The following COL23A1 variants were observed in gnomAD, a reference collection of about 807,000 sequenced individuals.
COL23A1 encodes collagen alpha-1(XXIII) chain.
Under a neutral mutation model 99.3 loss-of-function variants are expected in COL23A1, and 97 were observed. The observed-to-expected ratio is 0.98, with a 90% CI of 0.83 to 1.16. The LOEUF is 1.16. Among genes scored for constraint, COL23A1 ranks in the 50% most tolerant of loss-of-function variants. COL23A1 has a pLI of 0.00. For synonymous variants in COL23A1, 320 were observed against 308.2 expected (o/e 1.04, Z -0.40); for missense variants, 762 against 757.4 (o/e 1.01, Z -0.07).
At chr5:178,430,661 G>A (rs956292252) in intron 2 of COL23A1, among the ~76,000 whole-genome samples, 1 of 152,188 alleles carries the variant, frequency 6.6e-6, no homozygotes, top group African/African-American at 2.4e-5. Context: ...AACTAACAAA[G>A]TTGGATGGTT....
intron 1 of COL23A1, among the ~76,000 whole-genome samples, chr5:178,581,687 T>A (rs1404135879): frequency 6.6e-6 from 1 of 152,138 alleles, no homozygotes; most frequent in South Asian, 2.1e-4. Context: ...CCACTGACTG[T>A]ACCATTATCT....
chr5:178,376,264 G>A lies in COL23A1; in HGVS notation c.362-69345C>T, dbSNP rs374761474. Among the ~76,000 whole-genome samples the A allele has an allele frequency of 2.9e-3, 449 of 152,332 alleles. 2 individuals carry two copies. The highest frequency in any genetic ancestry group is 0.01 in the African/African-American group (427 of 41,560). ...GGCATGCCATCGGATCCGGGTTTCC[G>A]TCTGTTTTGTTATTTAGGTATTCTC... is the stretch of plus-strand genomic sequence containing the variant. On this transcript the variant is annotated intron_variant, in intron 2 of 28. Coordinates refer to ENST00000390654, the MANE Select transcript of COL23A1 (RefSeq NM_173465.4).
chr5:178,416,496 G>GGA (rs1317349517), intron 2 of COL23A1, among the ~76,000 whole-genome samples: 3 of 152,228 alleles, frequency 2.0e-5, no homozygotes. Context: ...GGGCCCAGGA[G>GGA]GAGATGTAGT....
intron 2 of COL23A1, among the ~76,000 whole-genome samples, chr5:178,465,605 GC>G (rs1756374069): frequency 6.6e-6 from 1 of 152,166 alleles, no homozygotes; most frequent in Non-Finnish European, 1.5e-5. Context: ...ATAGGAAGAG[GC>G]CCACTCTGGC....
chr5:178,589,527 A>G lies in COL23A1; in HGVS notation c.294+377T>C. Among the ~76,000 whole-genome samples, 1 of 152,184 alleles carries G rather than the reference A, an allele frequency of 6.6e-6. No individual in the cohort carries two copies. ...GTAGGTGCTACTGGTCACAGTCACC[A>G]GATACTTCCCACGAGCCTCATCTTT... On this transcript the variant is annotated intron_variant, in intron 1 of 28. Transcript: ENST00000390654. The surrounding 1 kb of genome is among the most constrained non-coding windows in gnomAD (Gnocchi z 5.4).
intron 2 of COL23A1, among the ~76,000 whole-genome samples, chr5:178,425,531 G>C (rs530289658): frequency 2.6e-5 from 4 of 151,854 alleles, no homozygotes; most frequent in Non-Finnish European, 5.9e-5. Flanking sequence ...TTCCTCATCC[G>C]CAAAAAGGTG....
At chr5:178,278,244 C>T (rs1301765908) in intron 5 of COL23A1, among the ~76,000 whole-genome samples, 7 of 152,206 alleles carry the variant, frequency 4.6e-5, no homozygotes, top group Non-Finnish European at 4.4e-5. Context: ...CATGCCCAGG[C>T]CAAGCTCTGC....
rs1032360574 is a variant in COL23A1 at position 178,428,350 on chromosome 5, T to C, written c.362-121431A>G. Among the ~76,000 whole-genome samples the C allele has an allele frequency of 5.3e-5, 8 of 152,198 alleles. No homozygotes were observed. The highest frequency in any genetic ancestry group is 1.7e-4 in the African/African-American group (7 of 41,460). ...ATCCCCTCTAGAACCTGCAGGACCA[T>C]GGAGCCAGCTCTTTGCACGAGGAGG... On this transcript the variant is annotated intron_variant, in intron 2 of 28. Coordinates refer to ENST00000390654, the MANE Select transcript of COL23A1 (RefSeq NM_173465.4). This position sits in a 1 kb window ranked among gnomAD's most constrained non-coding sequence, Gnocchi z 5.0.
chr5:178,269,005 C>T (rs1272730614), intron 6 of COL23A1, among the ~76,000 whole-genome samples: 9 of 152,126 alleles, frequency 5.9e-5, no homozygotes, highest in South Asian at 2.1e-4. Context: ...CTGGCATCCT[C>T]GCAGCAGAGA....
rs188774269 is a variant in COL23A1 at position 178,250,590 on chromosome 5, T to C, written c.1015-485A>G. 4.9e-4 allele frequency among the ~76,000 whole-genome samples: 75 copies of C among 152,350 alleles called. No individual in the cohort carries two copies. The East Asian group carries it at 0.014, about 28-fold the overall frequency. On this transcript the variant is annotated intron_variant, in intron 17 of 28. Coordinates refer to ENST00000390654, the MANE Select transcript of COL23A1 (RefSeq NM_173465.4). ...CACTACCCCCAACAGCAGCTAAATA[T>C]ACATTTAATTTGTGTGCATATAAAA...
At chr5:178,513,039 A>C (rs560774877) in intron 2 of COL23A1, among the ~76,000 whole-genome samples, 2 of 152,314 alleles carry the variant, frequency 1.3e-5, no homozygotes, top group Non-Finnish European at 2.9e-5. Flanking sequence ...AGAGAAGGCC[A>C]TATTCCAGGG....
At chr5:178,408,678 G>T (rs973312391) in intron 2 of COL23A1, among the ~76,000 whole-genome samples, 2 of 152,064 alleles carry the variant, frequency 1.3e-5, no homozygotes, top group African/African-American at 4.8e-5. Flanking sequence ...TATCAGGCCA[G>T]GCGCGGTGGC....
intron 2 of COL23A1, among the ~76,000 whole-genome samples, chr5:178,517,568 G>GTTTTTT (rs70997606): frequency 1.2e-4 from 13 of 108,246 alleles, no homozygotes; most frequent in African/African-American, 3.5e-4. Flanking sequence ...TTTTTTTTTT[G>GTTTTTT]TTTTTTTTTT....
At chr5:178,339,652 C>A (rs1030319275) in intron 2 of COL23A1, among the ~76,000 whole-genome samples, 4 of 152,220 alleles carry the variant, frequency 2.6e-5, no homozygotes, top group African/African-American at 9.6e-5. Context: ...TTCCTTTATG[C>A]ACTGGAGTAA....
At chr5:178,327,693 C>T (rs537738539) in intron 2 of COL23A1, among the ~76,000 whole-genome samples, 15 of 152,182 alleles carry the variant, frequency 9.9e-5, no homozygotes, top group African/African-American at 2.9e-4. Flanking sequence ...GTGCACGTGG[C>T]CCTCTGCACC....
chr5:178,376,761 C>T (rs1010726964), intron 2 of COL23A1, among the ~76,000 whole-genome samples: 5 of 152,194 alleles, frequency 3.3e-5, no homozygotes, highest in South Asian at 2.1e-4. Flanking sequence ...TGAGACCCTC[C>T]GCCATCTGCA....
At chr5:178,513,314 G>A (rs1048183798) in intron 2 of COL23A1, among the ~76,000 whole-genome samples, 2 of 152,228 alleles carry the variant, frequency 1.3e-5, no homozygotes, top group Non-Finnish European at 2.9e-5. Flanking sequence ...TACGAGGTGT[G>A]TACGTTTAGG....
At chr5:178,449,309 T>TG (rs1387569760) in intron 2 of COL23A1, among the ~76,000 whole-genome samples, 3 of 152,150 alleles carry the variant, frequency 2.0e-5, no homozygotes, top group East Asian at 3.9e-4. Context: ...CGTCTGCCGC[T>TG]GGGAAATGGT....
chr5:178,490,283 C>G (rs1757857874), intron 2 of COL23A1, among the ~76,000 whole-genome samples: 1 of 151,942 alleles, frequency 6.6e-6, no homozygotes, highest in Non-Finnish European at 1.5e-5. Context: ...GAAGGGGATT[C>G]TCACACATGC....
Sources: allele counts gnomAD v4.1 joint callset (sites outside exome capture counted in the v4.1 genomes callset), GRCh38; gene constraint gnomAD v4.1.1; non-coding constraint Gnocchi (gnomAD v3.1); transcripts MANE v1.5; gene names NCBI Gene and HGNC (gene_info 2026-07-23, HGNC 2026-07-21).